The following DRD3 variants were observed in gnomAD, a reference collection of about 807,000 sequenced individuals.
DRD3 encodes D(3) dopamine receptor.
DRD3 carries 19 observed loss-of-function variants against 36.3 expected under a neutral mutation model. The ratio of observed to expected loss-of-function variants is 0.52; its 90% CI spans 0.36 to 0.77. The LOEUF is 0.77. Among genes scored for constraint, DRD3 ranks in the 30% least tolerant of loss-of-function variants. The probability of loss-of-function intolerance (pLI) is 0.00; values close to 1 mark genes in which losing one functional copy is unlikely to be tolerated. For synonymous variants in DRD3, 195 were observed against 203.7 expected, an observed-to-expected ratio of 0.96 and a Z score of 0.36; for missense variants, 465 against 505.3, an observed-to-expected ratio of 0.92 and a Z score of 0.77.
In DRD3 at chr3:114,128,170, G is replaced by A. The variant is rs1014582868; in HGVS notation, c.*546C>T. On this transcript the variant is annotated 3_prime_UTR_variant, in exon 7 of 7. Transcript: ENST00000383673. ...GTGTGAGAAATTCACCTCACCAAAT[G>A]TAGCCCATCGGATTCTACAGAGAGG... Among the ~76,000 whole-genome samples, 4 of 152,228 alleles carry A rather than the reference G, an allele frequency of 2.6e-5. No homozygotes were observed. Among genetic ancestry groups the A allele is most frequent in the African/African-American group, 9.6e-5 (4 of 41,462 alleles).
chr3:114,170,150 G>A (rs2077825490), intron 2 of DRD3, among the ~76,000 whole-genome samples: 3 of 152,218 alleles, frequency 2.0e-5, no homozygotes, highest in South Asian at 2.1e-4. Flanking sequence ...CACATGCTTC[G>A]AAATTTTTTC....
At chr3:114,136,486 G>A (rs1411497878) in intron 5 of DRD3, among the ~76,000 whole-genome samples, 1 of 152,108 alleles carries the variant, frequency 6.6e-6, no homozygotes, top group Non-Finnish European at 1.5e-5. Flanking sequence ...CACACTCTTG[G>A]AAATGCCAGT....
intron 5 of DRD3, among the ~76,000 whole-genome samples, chr3:114,135,084 C>A (rs2077464170): frequency 6.6e-6 from 1 of 152,172 alleles, no homozygotes; most frequent in African/African-American, 2.4e-5. Context: ...CCCCCTCCCC[C>A]ATCTCCTTCC....
chr3:114,142,189 A>G (rs2077531949), intron 4 of DRD3, among the ~76,000 whole-genome samples: 1 of 152,022 alleles, frequency 6.6e-6, no homozygotes, highest in African/African-American at 2.4e-5. Flanking sequence ...GGTCTTTCAG[A>G]ATCTCTAGGG....
chr3:114,157,049 T>A (rs1559991499), intron 3 of DRD3, among the ~76,000 whole-genome samples: 3 of 151,004 alleles, frequency 2.0e-5, no homozygotes, highest in Non-Finnish European at 1.5e-5. Context: ...TCTCCTTTTT[T>A]TTTCTTTCTT....
chr3:114,161,572 C>A (rs1281209912), intron 2 of DRD3, among the ~76,000 whole-genome samples: 2 of 152,098 alleles, frequency 1.3e-5, no homozygotes, highest in Non-Finnish European at 2.9e-5. Context: ...TTAAAAGCAA[C>A]AATGAAAATT....
At chr3:114,143,368 G>A (rs1045673488) in intron 4 of DRD3, among the ~76,000 whole-genome samples, 6 of 152,186 alleles carry the variant, frequency 3.9e-5, no homozygotes, top group Non-Finnish European at 7.4e-5. Flanking sequence ...ATGATGAAGA[G>A]TCATCTATTT....
intron 5 of DRD3, among the ~76,000 whole-genome samples, chr3:114,132,413 G>C (rs1251591123): frequency 6.6e-6 from 1 of 152,104 alleles, no homozygotes; most frequent in Non-Finnish European, 1.5e-5. Context: ...TCAAGGGATG[G>C]GGGGCAAGGG....
At chr3:114,189,891 C>A (rs2077994867) in intron 1 of DRD3, among the ~76,000 whole-genome samples, 1 of 152,134 alleles carries the variant, frequency 6.6e-6, no homozygotes, top group Admixed American at 6.5e-5. Context: ...TGTTGAAAGG[C>A]AGCCTTATTT....
intron 4 of DRD3, among the ~76,000 whole-genome samples, chr3:114,141,444 C>A (rs1294142305): frequency 2.6e-5 from 4 of 152,060 alleles, no homozygotes; most frequent in African/African-American, 9.7e-5. Context: ...GGTAGCTATT[C>A]TTAATATTTA....
intron 2 of DRD3, among the ~76,000 whole-genome samples, chr3:114,165,906 G>A (rs945203162): frequency 2.0e-5 from 3 of 151,904 alleles, no homozygotes; most frequent in Non-Finnish European, 4.4e-5. Flanking sequence ...GGTGGGAGTG[G>A]GGCCTGGGGC....
intron 1 of DRD3, among the ~76,000 whole-genome samples, chr3:114,194,529 C>T (rs780561059): frequency 6.6e-6 from 1 of 152,158 alleles, no homozygotes; most frequent in Non-Finnish European, 1.5e-5. Flanking sequence ...GTAGTCCACC[C>T]ACCTCGGCCT....
chr3:114,146,932 A>G (rs1239098537), intron 4 of DRD3, among the ~76,000 whole-genome samples: 2 of 152,108 alleles, frequency 1.3e-5, no homozygotes, highest in South Asian at 2.1e-4. Flanking sequence ...CTCTCCAGGA[A>G]TTTGGGAATC....
intron 3 of DRD3, among the ~76,000 whole-genome samples, chr3:114,151,334 C>T (rs1377885615): frequency 6.6e-6 from 1 of 152,142 alleles, no homozygotes; most frequent in Non-Finnish European, 1.5e-5. Flanking sequence ...CCAGGCCTTC[C>T]ACTTGCATAA....
At chr3:114,191,661 C>T (rs986608210) in intron 1 of DRD3, among the ~76,000 whole-genome samples, 5 of 152,160 alleles carry the variant, frequency 3.3e-5, no homozygotes, top group African/African-American at 1.2e-4. Flanking sequence ...GTTACGGTAA[C>T]TCAGAAGCAA....
At chr3:114,159,109 G>T (rs1022840831) in intron 3 of DRD3, among the ~76,000 whole-genome samples, 1 of 152,104 alleles carries the variant, frequency 6.6e-6, no homozygotes, top group Non-Finnish European at 1.5e-5. Context: ...GGGATAGAAA[G>T]CAATGTTACT....
chr3:114,165,724 A>G (rs551145982), intron 2 of DRD3, among the ~76,000 whole-genome samples: 2 of 152,194 alleles, frequency 1.3e-5, no homozygotes, highest in East Asian at 3.9e-4. Context: ...TTTGTTTGCC[A>G]CATTTGGAGT....
chr3:114,153,265 C>CT (rs35380452), intron 3 of DRD3, among the ~76,000 whole-genome samples: 1 of 149,014 alleles, frequency 6.7e-6, no homozygotes, highest in African/African-American at 2.5e-5. Flanking sequence ...CTCTGTAAAC[C>CT]TTTTTTTTTT....
chr3:114,128,577 A>T lies in DRD3; in HGVS notation c.*139T>A. On this transcript the variant is annotated 3_prime_UTR_variant, in exon 7 of 7. Transcript: ENST00000383673. Reference sequence around the variant, plus strand: ...TCTGTTTTGGAGGACACATCTGGTTATACCTGACAAGCAGGGACATCCTGG... The same window carrying T: ...TCTGTTTTGGAGGACACATCTGGTTTTACCTGACAAGCAGGGACATCCTGG... 1 of 815,070 alleles carries T rather than the reference A, an allele frequency of 1.2e-6. No homozygotes were observed. The highest frequency in any genetic ancestry group is 1.8e-6 in the Non-Finnish European group (1 of 543,904). The allele number at this position is 815,070 out of a possible 1,614,324, so 50.5% of individuals were successfully genotyped here.
Sources: allele counts gnomAD v4.1 joint callset (sites outside exome capture counted in the v4.1 genomes callset), GRCh38; gene constraint gnomAD v4.1.1; transcripts MANE v1.5; gene names NCBI Gene and HGNC (gene_info 2026-07-23, HGNC 2026-07-21).